Variants in RARB observed in about 807,000 individuals in gnomAD.
RARB encodes the protein HBV-activated protein.
Under a neutral mutation model 51.9 loss-of-function variants are expected in RARB, and 17 were observed. The observed-to-expected ratio is 0.33, with a 90% confidence interval of 0.22 to 0.49. RARB has a LOEUF of 0.49. Among genes scored for constraint, RARB ranks in the 20% least tolerant of loss-of-function variants. The pLI is 0.99. For synonymous variants in RARB, 215 were observed against 195.4 expected, an observed-to-expected ratio of 1.10 and a Z score of -0.84; for missense variants, 369 against 550.8, an observed-to-expected ratio of 0.67 and a Z score of 3.30.
chr3:25,241,114 T>C (rs768307032), intron 5 of RARB, among the ~76,000 whole-genome samples: 2 of 152,162 alleles, frequency 1.3e-5, no homozygotes, highest in Non-Finnish European at 2.9e-5. Context: ...TTTATTTGTG[T>C]ATAGTTGTTC....
At chr3:25,578,444 G>T (rs1631395) in intron 4 of RARB, among the ~76,000 whole-genome samples, 15 of 152,188 alleles carry the variant, frequency 9.9e-5, no homozygotes, top group African/African-American at 3.6e-4. Context: ...GTTGATGAAG[G>T]TTTCGTTCAC....
In RARB at chr3:24,938,378, C is replaced by T. The variant is rs146765223; in HGVS notation, c.-380+79626C>T. Among the ~76,000 whole-genome samples the T allele has an allele frequency of 3.2e-3, 483 of 152,222 alleles. 4 individuals are homozygous for T. The highest frequency in any genetic ancestry group is 0.011 in the African/African-American group (457 of 41,536). On this transcript the variant is annotated intron_variant, in intron 2 of 11. Coordinates refer to the RARB transcript ENST00000383772. ...TCAGACTCCTAGGATTTCTGAGAGC[C>T]ATGTTCCCATTTTAGGGAGTGTCTG...
chr3:24,872,978 C>G (rs1383243928), intron 2 of RARB, among the ~76,000 whole-genome samples: 4 of 152,200 alleles, frequency 2.6e-5, no homozygotes, highest in African/African-American at 9.6e-5. Context: ...AAAGGCCAAA[C>G]AGAATTTTCA....
At chr3:24,990,843 C>T (rs1559424916) in intron 2 of RARB, among the ~76,000 whole-genome samples, 1 of 152,108 alleles carries the variant, frequency 6.6e-6, no homozygotes, top group Non-Finnish European at 1.5e-5. Flanking sequence ...TTTGGAACTG[C>T]ATTGAATTAT....
At chr3:24,997,478 T>C (rs1272040773) in intron 2 of RARB, among the ~76,000 whole-genome samples, 1 of 152,078 alleles carries the variant, frequency 6.6e-6, no homozygotes. Context: ...CCTGTCACTT[T>C]ATTGATTATT....
At chr3:25,386,703 T>A (rs1297983304) in intron 5 of RARB, among the ~76,000 whole-genome samples, 1 of 152,194 alleles carries the variant, frequency 6.6e-6, no homozygotes, top group Non-Finnish European at 1.5e-5. Flanking sequence ...CTACTTAAGA[T>A]TATGAGGAAC....
At chr3:25,152,798 A>G (rs941705914) in intron 4 of RARB, among the ~76,000 whole-genome samples, 2 of 152,210 alleles carry the variant, frequency 1.3e-5, no homozygotes, top group Admixed American at 6.5e-5. Flanking sequence ...ATCATTTAAG[A>G]TGCTACTTAG....
chr3:25,220,430 G>A (rs762545570), intron 5 of RARB, among the ~76,000 whole-genome samples: 14 of 152,278 alleles, frequency 9.2e-5, no homozygotes, highest in Non-Finnish European at 1.5e-4. Context: ...ATAAGACCTA[G>A]TTTCAAAAGC....
intron 5 of RARB, 34 bp from the exon 6 acceptor site, chr3:25,593,469 C>CT (rs762024823): frequency 1.3e-6 from 2 of 1,565,236 alleles, no homozygotes; most frequent in South Asian, 1.1e-5. Context: ...GACAGGATGG[C>CT]TTAGAACATC....
chr3:25,253,990 G>A (rs1702795936), intron 5 of RARB, among the ~76,000 whole-genome samples: 1 of 152,068 alleles, frequency 6.6e-6, no homozygotes, highest in Non-Finnish European at 1.5e-5. Context: ...TGCATAAGGG[G>A]TTCATATACA....
At chr3:25,458,994 C>G (rs1003497662) in intron 1 of RARB, among the ~76,000 whole-genome samples, 1 of 152,190 alleles carries the variant, frequency 6.6e-6, no homozygotes, top group African/African-American at 2.4e-5. Flanking sequence ...AGGACCTCTA[C>G]TAGTCCTGGA....
chr3:25,279,783 G>A (rs1703477714), intron 5 of RARB, among the ~76,000 whole-genome samples: 1 of 152,118 alleles, frequency 6.6e-6, no homozygotes, highest in Non-Finnish European at 1.5e-5. Context: ...CCTCTGCTCT[G>A]TGTTGTAATA....
chr3:25,120,792 A>G (rs1451135805), intron 3 of RARB, among the ~76,000 whole-genome samples: 1 of 152,168 alleles, frequency 6.6e-6, no homozygotes, highest in African/African-American at 2.4e-5. Context: ...AAAGATTTAG[A>G]TCAGGAATCC....
At position 25,573,742 on chromosome 3, in the gene RARB, A is replaced by G. The variant is rs1040013390; in HGVS notation, c.609+3824A>G. 2.6e-5 allele frequency among the ~76,000 whole-genome samples: 4 copies of G among 152,318 alleles called. No homozygotes were observed. In the East Asian group the frequency reaches 5.8e-4, roughly 22 times the overall value. Reference sequence around the variant, plus strand: ...CTTCCACGGCAGGAAACTTCCTGTCATCTTCACCAGAGTGGCATCCCTGTC... The same window carrying G: ...CTTCCACGGCAGGAAACTTCCTGTCGTCTTCACCAGAGTGGCATCCCTGTC... On this transcript the variant is annotated intron_variant, in intron 4 of 7. Transcript: ENST00000330688.
At position 25,529,790 on chromosome 3, in the gene RARB, C is replaced by T. The variant is rs144441547; in HGVS notation, c.448+28467C>T. ...AAAGTATAGCTCAGTTGAAAATACC[C>T]ATGTTAAAGAAAAGTATATGGCGGA... On this transcript the variant is annotated intron_variant, in intron 3 of 7. Coordinates refer to ENST00000330688, the MANE Select transcript of RARB (RefSeq NM_000965.5). Among the ~76,000 whole-genome samples, 183 of 152,158 alleles carry T rather than the reference C, an allele frequency of 1.2e-3. 1 individual carries two copies. Among genetic ancestry groups the T allele is most frequent in the Middle Eastern group, 0.01 (3 of 294 alleles).
At chr3:25,572,199 T>G (rs1049554705) in intron 4 of RARB, among the ~76,000 whole-genome samples, 1 of 151,970 alleles carries the variant, frequency 6.6e-6, no homozygotes, top group Admixed American at 6.6e-5. Flanking sequence ...AAGTGGGAAG[T>G]GAGAATGGGA....
intron 2 of RARB, among the ~76,000 whole-genome samples, chr3:24,971,837 C>G (rs1279383463): frequency 6.6e-6 from 1 of 151,884 alleles, no homozygotes; most frequent in African/African-American, 2.4e-5. Context: ...GATTCTATGA[C>G]AAGCATTGGA....
At chr3:24,930,390 C>T (rs971720019) in intron 2 of RARB, among the ~76,000 whole-genome samples, 5 of 152,026 alleles carry the variant, frequency 3.3e-5, no homozygotes, top group African/African-American at 7.2e-5. Flanking sequence ...TATGGTTATA[C>T]CTAGCATCAT....
chr3:24,973,815 T>C (rs773994229), intron 2 of RARB, among the ~76,000 whole-genome samples: 1 of 152,152 alleles, frequency 6.6e-6, no homozygotes, highest in Non-Finnish European at 1.5e-5. Flanking sequence ...CCTGCAACTT[T>C]ACTGAATTCG....
Sources: gnomAD v4.1 joint callset for allele counts (sites outside exome capture counted in the v4.1 genomes callset) on GRCh38, gnomAD v4.1.1 for gene constraint, MANE v1.5 for transcripts, NCBI Gene and HGNC (gene_info 2026-07-23, HGNC 2026-07-21) for gene names.